KCNT2: variants seen among roughly 807,000 people sequenced by gnomAD.
KCNT2 encodes potassium sodium-activated channel subfamily T member 2.
In KCNT2, 67 loss-of-function variants were observed where a neutral mutation model predicts 153.8. The observed-to-expected ratio is 0.44, with a 90% CI of 0.36 to 0.53. KCNT2 has a LOEUF of 0.53. Among genes scored for constraint, KCNT2 ranks in the 20% least tolerant of loss-of-function variants. The probability of loss-of-function intolerance (pLI) is 0.00; values close to 1 mark genes in which losing one functional copy is unlikely to be tolerated. For synonymous variants in KCNT2, 500 were observed against 458.8 expected, an observed-to-expected ratio of 1.09 and a Z score of -1.15; for missense variants, 975 against 1,354.8, an observed-to-expected ratio of 0.72 and a Z score of 4.40.
At chr1:196,548,737 A>C in intron 1 of KCNT2, among the ~76,000 whole-genome samples, 1 of 152,138 alleles carries the variant, frequency 6.6e-6, no homozygotes, top group Non-Finnish European at 1.5e-5. Context: ...TCACAATTGC[A>C]AACACTTGGA....
intron 12 of KCNT2, among the ~76,000 whole-genome samples, chr1:196,405,026 A>C (rs1671716031): frequency 6.6e-6 from 1 of 151,566 alleles, no homozygotes; most frequent in Non-Finnish European, 1.5e-5. Flanking sequence ...AACAAACATC[A>C]GTAATTTTGA....
intron 1 of KCNT2, among the ~76,000 whole-genome samples, chr1:196,529,132 A>G (rs1654618069): frequency 6.6e-6 from 1 of 152,124 alleles, no homozygotes; most frequent in Admixed American, 6.6e-5. Context: ...CAACTTTGCA[A>G]AGTAACTTAA....
intron 14 of KCNT2, among the ~76,000 whole-genome samples, 192 bp from the exon 15 acceptor site, chr1:196,342,420 C>CTATATATATATATATATG (rs1665733453): frequency 7.5e-6 from 1 of 132,756 alleles, no homozygotes; most frequent in African/African-American, 3.0e-5. Context: ...ATTTTGAATA[C>CTATATATATATATATATG]TATATATATA....
chr1:196,519,928 C>A (rs111441748), intron 1 of KCNT2, among the ~76,000 whole-genome samples: 8,692 of 152,188 alleles, frequency 0.057, 392 homozygotes, highest in Non-Finnish European at 0.085. Context: ...AGAAGTGATT[C>A]TTCCTTAGCT....
chr1:196,461,558 T>C (rs1677154652), intron 8 of KCNT2, among the ~76,000 whole-genome samples: 2 of 151,796 alleles, frequency 1.3e-5, no homozygotes, highest in Admixed American at 1.3e-4. Flanking sequence ...CCAAATTCAT[T>C]ATAAATGATA....
At chr1:196,542,568 C>T (rs1389757957) in intron 1 of KCNT2, among the ~76,000 whole-genome samples, 1 of 152,050 alleles carries the variant, frequency 6.6e-6, no homozygotes, top group African/African-American at 2.4e-5. Context: ...AGTTCATTCA[C>T]CTGCTCATCC....
At chr1:196,606,809 A>G (rs1665373841) in intron 1 of KCNT2, among the ~76,000 whole-genome samples, 1 of 152,222 alleles carries the variant, frequency 6.6e-6, no homozygotes. Flanking sequence ...TAGGAACACC[A>G]TGCTACACTT....
At chr1:196,342,321 G>T in intron 14 of KCNT2, 93 bp from the exon 15 acceptor site, 2 of 1,088,950 alleles carry the variant, frequency 1.8e-6, no homozygotes, top group Non-Finnish European at 2.6e-6. Context: ...TTTCTCAACT[G>T]TGTAAGAACT....
chr1:196,482,433 CT>C, intron 3 of KCNT2, 54 bp from the exon 4 acceptor site: 1 of 970,128 alleles, frequency 1.0e-6, no homozygotes, highest in Non-Finnish European at 1.5e-6. Flanking sequence ...AATCTATTCA[CT>C]TTTAAAATTC....
At chr1:196,315,753 C>T (rs974531635) in intron 21 of KCNT2, 139 bp downstream of exon 21, 4 of 727,474 alleles carry the variant, frequency 5.5e-6, no homozygotes, top group Admixed American at 3.6e-5. Context: ...GCTCAATAAA[C>T]ATTTACTTTA....
Position 196,479,161 on chromosome 1 carries a change from C to A in KCNT2, c.384+18G>T. 7.0e-7 allele frequency: 1 copy of A among 1,429,530 alleles called. No homozygotes were observed. The highest frequency in any genetic ancestry group is 9.8e-7 in the Non-Finnish European group (1 of 1,016,786). The allele number at this position is 1,429,530 out of a possible 1,614,324, so 88.6% of individuals were successfully genotyped here. A position where few individuals can be genotyped will look rare whatever the true frequency, so the allele number is the denominator to read the frequency against. On this transcript the variant is annotated intron_variant, in intron 5 of 27. Coordinates refer to ENST00000294725, the MANE Select transcript of KCNT2 (RefSeq NM_198503.5). ...GATGTGTTCTATCAGCGGGAAACTG[C>A]TAATTAAAATAACTTACCTTATAAC...
At chr1:196,495,620 C>T (rs543943674) in intron 1 of KCNT2, among the ~76,000 whole-genome samples, 5 of 152,120 alleles carry the variant, frequency 3.3e-5, no homozygotes, top group South Asian at 2.1e-4. Flanking sequence ...TGTAATCTTT[C>T]GTGTACTCTT....
At chr1:196,339,651 C>A (rs1040811878) in intron 16 of KCNT2, among the ~76,000 whole-genome samples, 4 of 151,722 alleles carry the variant, frequency 2.6e-5, no homozygotes, top group African/African-American at 9.7e-5. Flanking sequence ...TGAGGAGGAA[C>A]AAGGGCATGG....
intron 12 of KCNT2, among the ~76,000 whole-genome samples, chr1:196,420,116 A>G (rs1403668745): frequency 2.6e-5 from 4 of 151,554 alleles, no homozygotes; most frequent in African/African-American, 9.7e-5. Flanking sequence ...TCATTCTTCA[A>G]TGTTCTTAGG....
At position 196,340,507 on chromosome 1, in the gene KCNT2, A is replaced by T; in HGVS notation, c.1617T>A (p.Gly539=). The T allele has an allele frequency of 6.2e-7, 1 of 1,611,758 alleles. No individual in the cohort carries two copies. Among genetic ancestry groups the T allele is most frequent in the Non-Finnish European group, 8.5e-7 (1 of 1,178,638 alleles). ...EDNKNILLNP[G]PRYIMNSTDI... is the part of the protein sequence containing the mutation. ...CTGTAGAATTCATAATGTATCGAGG[A>T]CCTGGATTCAGCAAAATGTTTTTAT... The change falls in exon 16 of 28, where the codon GGT becomes GGA. Residue 539 remains glycine, a synonymous_variant. Transcript: ENST00000294725.
At chr1:196,501,325 G>C (rs893668444) in intron 1 of KCNT2, among the ~76,000 whole-genome samples, 10 of 152,202 alleles carry the variant, frequency 6.6e-5, no homozygotes, top group Admixed American at 5.2e-4. Flanking sequence ...CTTAATGGAT[G>C]ACTGGATAAA....
chr1:196,352,652 A>G (rs1002361376), intron 14 of KCNT2, among the ~76,000 whole-genome samples: 1 of 151,982 alleles, frequency 6.6e-6, no homozygotes, highest in African/African-American at 2.4e-5. Flanking sequence ...CTTTCAAAAA[A>G]CCAGCTCCTG....
intron 14 of KCNT2, among the ~76,000 whole-genome samples, chr1:196,348,354 C>A (rs528916329): frequency 1.6e-4 from 24 of 151,870 alleles, no homozygotes; most frequent in African/African-American, 5.3e-4. Context: ...GGAAGCTCAT[C>A]GAAAATTATG....
At chr1:196,290,562 AGGTG>A (rs1660093811) in intron 22 of KCNT2, among the ~76,000 whole-genome samples, 1 of 151,404 alleles carries the variant, frequency 6.6e-6, no homozygotes, top group African/African-American at 2.4e-5. Flanking sequence ...GTATATGTAT[AGGTG>A]TATATATATA....
Sources: gnomAD v4.1 joint callset for allele counts (sites outside exome capture counted in the v4.1 genomes callset) on GRCh38, gnomAD v4.1.1 for gene constraint, MANE v1.5 for transcripts, NCBI Gene and HGNC (gene_info 2026-07-23, HGNC 2026-07-21) for gene names.